Variants in POU3F3 observed in about 807,000 individuals in gnomAD.
POU3F3 encodes the protein POU domain, class 3, transcription factor 3.
POU3F3 carries 1 observed loss-of-function variant against 8.6 expected under a neutral mutation model. That is an observed-to-expected ratio of 0.12 (90% CI 0.04 to 0.55). The LOEUF (loss-of-function observed/expected upper bound fraction) is 0.55. Among genes scored for constraint, POU3F3 ranks in the 20% least tolerant of loss-of-function variants. The probability of loss-of-function intolerance (pLI) is 0.91; values close to 1 mark genes in which losing one functional copy is unlikely to be tolerated. For missense variants in POU3F3, 577 were observed against 690.7 expected (o/e 0.84, Z 1.84); for synonymous variants, 418 against 327.4 (o/e 1.28, Z -2.99).
In POU3F3 at chr2:104,856,654, A is replaced by C; in HGVS notation, c.1144A>C (p.Lys382Gln). 6.2e-7 allele frequency: 1 copy of C among 1,614,182 alleles called. No individual in the cohort carries two copies. Residue 382 changes from lysine to glutamine, a missense_variant, in exon 1 of 1, where the codon AAG (lysine) becomes CAG (glutamine). Transcript: ENST00000361360. Reference sequence around the variant, plus strand: ...GTGCAAGCTCAAGCCGCTGCTGAACAAGTGGCTGGAGGAGGCGGACTCAAG... The same window carrying C: ...GTGCAAGCTCAAGCCGCTGCTGAACCAGTGGCTGGAGGAGGCGGACTCAAG... ...NMCKLKPLLN[K>Q]WLEEADSSTG...
At chr2:104,910,051 G>A in the POU3F3 span, among the ~76,000 whole-genome samples, 17 of 152,222 alleles carry the variant, frequency 1.1e-4, no homozygotes, top group East Asian at 1.9e-4. Context: ...TCACCATTTC[G>A]TCATTTTTGT....
the POU3F3 span, among the ~76,000 whole-genome samples, chr2:104,927,099 A>G: frequency 6.6e-6 from 1 of 152,200 alleles, no homozygotes; most frequent in African/African-American, 2.4e-5. Flanking sequence ...AACTTAAAAT[A>G]TATGTATATG....
the POU3F3 span, among the ~76,000 whole-genome samples, chr2:104,926,894 A>G: frequency 3.9e-5 from 6 of 152,200 alleles, no homozygotes; most frequent in Non-Finnish European, 5.9e-5. Flanking sequence ...GGAGTTGAAC[A>G]ATGAGAACAC....
downstream of POU3F3, among the ~76,000 whole-genome samples, chr2:104,859,049 G>T (rs375141777): frequency 2.0e-5 from 3 of 151,304 alleles, no homozygotes; most frequent in Admixed American, 6.6e-5. Context: ...GTTAGGAGTC[G>T]CTTATAAGTC....
the POU3F3 span, among the ~76,000 whole-genome samples, chr2:104,877,751 C>T: frequency 5.9e-5 from 9 of 151,696 alleles, no homozygotes; most frequent in Non-Finnish European, 2.9e-5. Flanking sequence ...CTCCGACTCC[C>T]GATTCCAGGG....
the POU3F3 span, among the ~76,000 whole-genome samples, chr2:104,926,241 C>T: frequency 6.6e-6 from 1 of 152,086 alleles, no homozygotes; most frequent in Admixed American, 6.5e-5. Context: ...CTACAAAGAA[C>T]TTCAACAAAT....
the POU3F3 span, among the ~76,000 whole-genome samples, chr2:104,875,997 C>T: frequency 5.3e-5 from 8 of 152,074 alleles, no homozygotes; most frequent in African/African-American, 1.9e-4. Context: ...GGATTACAGG[C>T]ATGAGCCACC....
At chr2:104,895,258 T>G in the POU3F3 span, among the ~76,000 whole-genome samples, 1 of 152,218 alleles carries the variant, frequency 6.6e-6, no homozygotes, top group Non-Finnish European at 1.5e-5. Flanking sequence ...AGGGTATTTT[T>G]TCTTTTTAAA....
chr2:104,906,582 T>C, the POU3F3 span, among the ~76,000 whole-genome samples: 1 of 152,208 alleles, frequency 6.6e-6, no homozygotes, highest in African/African-American at 2.4e-5. Context: ...GAACTTCTAT[T>C]GGGATTGTAC....
chr2:104,922,389 G>A, the POU3F3 span, among the ~76,000 whole-genome samples: 1 of 90,098 alleles, frequency 1.1e-5, no homozygotes, highest in African/African-American at 4.4e-5. Context: ...TCTTGAAGAT[G>A]CTCAAAAAAA....
the POU3F3 span, among the ~76,000 whole-genome samples, chr2:104,922,212 T>C: frequency 1.3e-5 from 2 of 152,248 alleles, no homozygotes; most frequent in East Asian, 1.9e-4. Flanking sequence ...CCGGAGTTAC[T>C]ACATTATTAG....
chr2:104,893,968 T>C, the POU3F3 span, among the ~76,000 whole-genome samples: 4 of 151,628 alleles, frequency 2.6e-5, no homozygotes, highest in Non-Finnish European at 5.9e-5. Context: ...TGTTAGCTCC[T>C]ATGGCACGGC....
chr2:104,882,054 A>G, the POU3F3 span, among the ~76,000 whole-genome samples: 33 of 152,248 alleles, frequency 2.2e-4, no homozygotes, highest in Non-Finnish European at 4.1e-4. Flanking sequence ...TTATTGACTC[A>G]CTAAAAGATT....
the POU3F3 span, among the ~76,000 whole-genome samples, chr2:104,888,616 G>A: frequency 3.3e-5 from 5 of 152,068 alleles, no homozygotes; most frequent in African/African-American, 7.2e-5. Context: ...CCACCCCCAC[G>A]AGAAGGAAGG....
chr2:104,872,258 T>G, the POU3F3 span: 1 of 456,462 alleles, frequency 2.2e-6, no homozygotes, highest in African/African-American at 2.0e-5. The surrounding 1 kb of genome is among the most constrained non-coding windows in gnomAD (Gnocchi z 4.6). Context: ...GGCACGGTCC[T>G]TCCATTCCAC....
At chr2:104,869,722 A>C in the POU3F3 span, 1 of 152,270 alleles carries the variant, frequency 6.6e-6, no homozygotes, top group African/African-American at 2.4e-5. Context: ...TTCCCTGTTC[A>C]GGGACTCTGC....
At chr2:104,917,620 G>T in the POU3F3 span, among the ~76,000 whole-genome samples, 2 of 152,196 alleles carry the variant, frequency 1.3e-5, no homozygotes, top group African/African-American at 4.8e-5. Context: ...AAAGTGCAAA[G>T]AAACTTTGCT....
At chr2:104,909,164 C>T in the POU3F3 span, among the ~76,000 whole-genome samples, 1 of 152,224 alleles carries the variant, frequency 6.6e-6, no homozygotes, top group East Asian at 1.9e-4. Flanking sequence ...TGTGTTCTCA[C>T]ATTTTCAATT....
chr2:104,884,897 G>A, the POU3F3 span, among the ~76,000 whole-genome samples: 2 of 152,278 alleles, frequency 1.3e-5, no homozygotes, highest in East Asian at 1.9e-4. Context: ...GAATGTGGAA[G>A]TGTGGGGTCA....
Sources: gnomAD v4.1 joint callset for allele counts (sites outside exome capture counted in the v4.1 genomes callset) on GRCh38, gnomAD v4.1.1 for gene constraint, Gnocchi (gnomAD v3.1) non-coding constraint, MANE v1.5 for transcripts, NCBI Gene and HGNC (gene_info 2026-07-23, HGNC 2026-07-21) for gene names.